The following DNAH7 variants were observed in gnomAD, a reference collection of about 807,000 sequenced individuals.
DNAH7 encodes dynein axonemal heavy chain 7.
Under a neutral mutation model 444.6 loss-of-function variants are expected in DNAH7, and 397 were observed. The ratio of observed to expected loss-of-function variants is 0.89; its 90% CI spans 0.82 to 0.97. The LOEUF is 0.97. Among genes scored for constraint, DNAH7 ranks in the 50% least tolerant of loss-of-function variants. The probability of loss-of-function intolerance (pLI) is 0.00; values close to 1 mark genes in which losing one functional copy is unlikely to be tolerated. For synonymous variants in DNAH7, 1,636 were observed against 1,624.4 expected, an observed-to-expected ratio of 1.01 and a Z score of -0.17; for missense variants, 4,902 against 4,800.8, an observed-to-expected ratio of 1.02 and a Z score of -0.62.
chr2:196,039,790 A>C (rs1415243580), intron 5 of DNAH7, among the ~76,000 whole-genome samples: 9 of 130,804 alleles, frequency 6.9e-5, no homozygotes, highest in Non-Finnish European at 1.4e-4. Flanking sequence ...TTCTGCCTCA[A>C]AAAAAAAAAA....
At chr2:196,048,159 T>A (rs1697248625) in intron 4 of DNAH7, 137 bp downstream of exon 4, 1 of 593,194 alleles carries the variant, frequency 1.7e-6, no homozygotes, top group Non-Finnish European at 2.8e-6. Context: ...TGAGGGAAGA[T>A]GTATTGGGAA....
At chr2:195,751,562 T>G (rs1693799087) in intron 63 of DNAH7, among the ~76,000 whole-genome samples, 1 of 152,184 alleles carries the variant, frequency 6.6e-6, no homozygotes, top group African/African-American at 2.4e-5. Context: ...ACAGTCTGAC[T>G]GATGCTTTGA....
rs756860784 is a variant in DNAH7, at chr2:195,816,788, T to A, written c.9601A>T (p.Met3201Leu). The change falls in exon 51 of 65, where the codon ATG becomes TTG. Residue 3201 changes from methionine (M) to leucine (L), a missense_variant. Physicochemically the swap from Met to Leu is conservative, Grantham distance 15. Transcript: ENST00000312428. ...TGGATGGCAATAGGACGATAGCCCA[T>A]GCGGGTGGTGTCAATCTTTTTCTCT... ...ETEKKIDTTRMGYRPIAIHSS... is the reference protein window; with the variant it reads ...ETEKKIDTTRLGYRPIAIHSS... 1 of 1,614,174 alleles carries A rather than the reference T, an allele frequency of 6.2e-7. No homozygotes were observed. Among genetic ancestry groups the A allele is most frequent in the South Asian group, 1.1e-5 (1 of 91,086 alleles).
chr2:196,047,452 C>G lies in DNAH7; in HGVS notation c.298G>C (p.Val100Leu), dbSNP rs772212908. Residue 100 changes from valine to leucine, a missense_variant, in exon 5 of 65, where the codon GTT (valine) becomes CTT (leucine). Physicochemically the swap from Val to Leu is conservative, Grantham distance 32 (BLOSUM62 1). Coordinates refer to ENST00000312428, the MANE Select transcript of DNAH7 (RefSeq NM_018897.3). ...GATGGTCCAACATAACTATCATCAA[C>G]TTGGTGGGGTAATTTGCCCTTTTTT... is the stretch of plus-strand genomic sequence containing the variant. ...FGKKGKLPHQ[V>L]DDSYVGPSTS... is the part of the protein sequence containing the mutation. 6.2e-7 allele frequency: 1 copy of G among 1,602,158 alleles called. No homozygotes were observed. The highest frequency in any genetic ancestry group is 8.5e-7 in the Non-Finnish European group (1 of 1,173,244).
Position 195,895,148 on chromosome 2 carries a change from T to C in DNAH7, c.4724A>G (p.Asp1575Gly). The change falls in exon 30 of 65, where the codon GAC (aspartate) becomes GGC (glycine). Residue 1575 changes from aspartate (D) to glycine (G), a missense_variant. Physicochemically the swap from Asp to Gly is moderately conservative, Grantham distance 94 (BLOSUM62 -1). Transcript: ENST00000312428. ...DYNDLLAAIK[D>G]NCASMNLQMT... ...TTGCAAATTCATGGAGGCACAATTG[T>C]CTTTGATAGCTGCCAGCAAATCATT... 6.2e-7 allele frequency: 1 copy of C among 1,613,446 alleles called. No homozygotes were observed. The highest frequency in any genetic ancestry group is 8.5e-7 in the Non-Finnish European group (1 of 1,179,592).
rs753397888 is a variant in DNAH7 at position 195,816,639 on chromosome 2, A to AAT, written c.9748_9749dup (p.Leu3251PhefsTer37). On this transcript the variant is annotated frameshift_variant, in exon 51 of 65. Transcript: ENST00000312428. LOFTEE classifies it high-confidence loss of function. Reference sequence around the variant, plus strand: ...TTTCCTTTACATACCTTTTTGCCAAAATTTCTGATTTCTCTGAATTTTCAA... The same window carrying AAT: ...TTTCCTTTACATACCTTTTTGCCAAAATATTTCTGATTTCTCTGAATTTTCAA... 9 of 1,606,990 alleles carry AAT rather than the reference A, an allele frequency of 5.6e-6. No individual in the cohort carries two copies. Among genetic ancestry groups the AAT allele is most frequent in the Non-Finnish European group, 7.6e-6 (9 of 1,177,844 alleles).
At chr2:195,788,264 A>G (rs957584504) in intron 57 of DNAH7, among the ~76,000 whole-genome samples, 1 of 152,184 alleles carries the variant, frequency 6.6e-6, no homozygotes, top group Admixed American at 6.5e-5. Flanking sequence ...ATCAGCAGCT[A>G]TCAAGTGCAG....
At chr2:196,055,019 A>G (rs1259015259) in intron 2 of DNAH7, among the ~76,000 whole-genome samples, 1 of 152,188 alleles carries the variant, frequency 6.6e-6, no homozygotes, top group Non-Finnish European at 1.5e-5. Context: ...ATACAATGGG[A>G]AAACTGACTT....
rs1276482352 is a variant in DNAH7 at position 195,984,687 on chromosome 2, A to G, written c.1778T>C (p.Ile593Thr). The change falls in exon 15 of 65, where the codon ATA (isoleucine) becomes ACA (threonine). Residue 593 changes from isoleucine to threonine, a missense_variant. Ile to Thr is a moderately conservative substitution (Grantham distance 89). Transcript: ENST00000312428. ...AGGAGTGCTAAGAGCTTTTTCAGCT[A>G]TCCTCTCAAATTCATCGCATAATCT... ...NTRLCDEFER[I>T]AEKALSTPPN... The G allele has an allele frequency of 2.5e-6, 4 of 1,613,942 alleles. No individual in the cohort carries two copies. Among genetic ancestry groups the G allele is most frequent in the Admixed American group, 1.7e-5 (1 of 60,008 alleles).
At chr2:196,045,846 A>G (rs1167860389) in intron 5 of DNAH7, among the ~76,000 whole-genome samples, 3 of 152,126 alleles carry the variant, frequency 2.0e-5, no homozygotes, top group Non-Finnish European at 4.4e-5. Context: ...AAAAATAAGC[A>G]AAAGCAACAT....
rs1431188493 is a variant in DNAH7 at position 196,019,271 on chromosome 2, C to T, written c.768G>A (p.Trp256Ter). ...RAEMEILPKP[W>*]RKSFLAASSY... ...TGCTTGCAGCTAAAAAAGATTTCCT[C>T]CAAGGTTTTGGCAGAATTTCCATTC... The change falls in exon 9 of 65, where the codon TGG (tryptophan) becomes TGA (stop). Residue 256 changes from tryptophan to a stop codon, truncating the protein, a stop_gained. Coordinates refer to ENST00000312428, the MANE Select transcript of DNAH7 (RefSeq NM_018897.3). LOFTEE classifies it high-confidence loss of function. 2.0e-6 allele frequency: 3 copies of T among 1,495,164 alleles called. No homozygotes were observed. The highest frequency in any genetic ancestry group is 4.7e-5 in the East Asian group (2 of 42,738). 92.6% of individuals were successfully genotyped at this position (1,495,164 alleles called of 1,614,324 possible). A position where few individuals can be genotyped will look rare whatever the true frequency, so the allele number is the denominator to read the frequency against.
chr2:195,781,266 A>T (rs1001948897), intron 58 of DNAH7, among the ~76,000 whole-genome samples: 4 of 152,206 alleles, frequency 2.6e-5, no homozygotes, highest in African/African-American at 7.2e-5. Context: ...TCAAATAAGT[A>T]GTAAATGAGG....
chr2:196,061,869 T>C (rs1698154985), intron 1 of DNAH7, among the ~76,000 whole-genome samples: 2 of 152,222 alleles, frequency 1.3e-5, no homozygotes, highest in African/African-American at 4.8e-5. Context: ...AAATCTGTTT[T>C]ATTTTTTGAA....
intron 19 of DNAH7, among the ~76,000 whole-genome samples, chr2:195,945,750 T>A (rs1420671338): frequency 6.6e-6 from 1 of 152,136 alleles, no homozygotes; most frequent in Non-Finnish European, 1.5e-5. Flanking sequence ...AGTGTTATAT[T>A]TATTGAGATG....
chr2:195,796,244 GC>G (rs1696130371), intron 56 of DNAH7, among the ~76,000 whole-genome samples: 1 of 152,174 alleles, frequency 6.6e-6, no homozygotes, highest in South Asian at 2.1e-4. Flanking sequence ...CTCCTTGGTT[GC>G]TTTAGGCCAT....
rs1692724963 is a variant in DNAH7 at position 195,737,830 on chromosome 2, A to ACTTT, written c.*90_*91insAAAG. On this transcript the variant is annotated 3_prime_UTR_variant, in exon 65 of 65. Coordinates refer to ENST00000312428, the MANE Select transcript of DNAH7 (RefSeq NM_018897.3). ...TATAACTTTAGTCAAATGTATTTAA[A>ACTTT]CAAACAAAAAAAAAGGTTTAAGTAG... 2 of 1,197,882 alleles carry ACTTT rather than the reference A, an allele frequency of 1.7e-6. No homozygotes were observed. The highest frequency in any genetic ancestry group is 2.3e-6 in the Non-Finnish European group (2 of 857,620). The allele number at this position is 1,197,882 out of a possible 1,614,324, so 74.2% of individuals were successfully genotyped here.
intron 19 of DNAH7, among the ~76,000 whole-genome samples, chr2:195,946,812 A>G (rs553142444): frequency 2.6e-5 from 4 of 151,960 alleles, no homozygotes; most frequent in African/African-American, 9.7e-5. Flanking sequence ...AGTAGTCTCC[A>G]TATCTCCCCA....
chr2:195,922,230 A>G, intron 23 of DNAH7, 33 bp from the exon 24 acceptor site: 1 of 1,259,952 alleles, frequency 7.9e-7, no homozygotes, highest in Non-Finnish European at 1.2e-6. Flanking sequence ...AAGTTAAACA[A>G]TAAAATTGTA....
In DNAH7 at chr2:196,033,823, G is replaced by A. The variant is rs991051240; in HGVS notation, c.399-5776C>T. ...TGAATACCCAAAAATGAGATTGCTA[G>A]ATCATATGGTAATTCTATTATTAGT... On this transcript the variant is annotated intron_variant, in intron 5 of 64. Transcript: ENST00000312428. Among the ~76,000 whole-genome samples, 8 of 152,174 alleles carry A rather than the reference G, an allele frequency of 5.3e-5. 1 individual carries two copies. Among genetic ancestry groups the A allele is most frequent in the Non-Finnish European group, 1.0e-4 (7 of 68,008 alleles).
Sources: allele counts gnomAD v4.1 joint callset (sites outside exome capture counted in the v4.1 genomes callset), GRCh38; gene constraint gnomAD v4.1.1; transcripts MANE v1.5; gene names NCBI Gene and HGNC (gene_info 2026-07-23, HGNC 2026-07-21).